The following PALM2AKAP2 variants were observed in gnomAD, a reference collection of about 807,000 sequenced individuals.
PALM2AKAP2 encodes the protein PALM2 and AKAP2 fusion, also known as PALM2-AKAP2 fusion protein.
Under a neutral mutation model 71.5 loss-of-function variants are expected in PALM2AKAP2, and 37 were observed. The ratio of observed to expected loss-of-function variants is 0.52; its 90% CI spans 0.40 to 0.68. The LOEUF is 0.68. Ranked by LOEUF, PALM2AKAP2 falls within the 30% of genes least tolerant of loss-of-function variation. The probability of loss-of-function intolerance (pLI) is 0.00; values close to 1 mark genes in which losing one functional copy is unlikely to be tolerated. For synonymous variants in PALM2AKAP2, 468 were observed against 478.8 expected (o/e 0.98, Z 0.29); for missense variants, 1,224 against 1,191.8 (o/e 1.03, Z -0.40).
intron 4 of PALM2AKAP2, 98 bp downstream of exon 4, chr9:109,923,947 G>C (rs1830893377): frequency 1.6e-6 from 2 of 1,227,408 alleles, no homozygotes; most frequent in Non-Finnish European, 2.2e-6. Context: ...GGGCATTGAT[G>C]AGAAATCTGA....
At chr9:109,677,940 C>A (rs1223191537) in intron 1 of PALM2AKAP2, among the ~76,000 whole-genome samples, 4 of 152,108 alleles carry the variant, frequency 2.6e-5, no homozygotes, top group Admixed American at 2.6e-4. Flanking sequence ...TAAAGCTGGG[C>A]AAAATTAGTA....
At chr9:110,018,398 G>A (rs1833019412) in intron 7 of PALM2AKAP2, among the ~76,000 whole-genome samples, 1 of 151,940 alleles carries the variant, frequency 6.6e-6, no homozygotes, top group African/African-American at 2.4e-5. Context: ...TGGCATGATC[G>A]TGGCTCACTG....
intron 2 of PALM2AKAP2, among the ~76,000 whole-genome samples, chr9:109,872,324 G>A (rs1829619669): frequency 6.6e-6 from 1 of 152,090 alleles, no homozygotes; most frequent in Non-Finnish European, 1.5e-5. Context: ...TAGAGCAGAA[G>A]GAATTTAATA....
At chr9:109,864,811 T>C (rs1829405461) in intron 1 of PALM2AKAP2, among the ~76,000 whole-genome samples, 1 of 152,232 alleles carries the variant, frequency 6.6e-6, no homozygotes, top group Non-Finnish European at 1.5e-5. Context: ...AATGCCAGAT[T>C]AATGTTCCTA....
intron 1 of PALM2AKAP2, among the ~76,000 whole-genome samples, chr9:109,763,388 T>C (rs1829092169): frequency 6.6e-6 from 1 of 152,160 alleles, no homozygotes; most frequent in African/African-American, 2.4e-5. Flanking sequence ...CCCTGCCTCC[T>C]ACTTGCTTTG....
chr9:110,162,643 C>T (rs1244375605), intron 3 of PALM2AKAP2, among the ~76,000 whole-genome samples: 4 of 152,066 alleles, frequency 2.6e-5, no homozygotes, highest in African/African-American at 9.7e-5. Context: ...CCTAGACCTC[C>T]CTCCCTCCAA....
chr9:109,978,904 G>C (rs1564243125), intron 6 of PALM2AKAP2, among the ~76,000 whole-genome samples: 1 of 152,050 alleles, frequency 6.6e-6, no homozygotes, highest in African/African-American at 2.4e-5. Context: ...GGCAGATGTT[G>C]ACCCTGGGAG....
intron 1 of PALM2AKAP2, among the ~76,000 whole-genome samples, chr9:109,835,188 A>AGAGGGTGTAGGGAAAGAGGG (rs1828426867): frequency 1.6e-5 from 2 of 121,992 alleles, no homozygotes; most frequent in East Asian, 4.3e-4. Flanking sequence ...GGGAAAGAGG[A>AGAGGGTGTAGGGAAAGAGGG]GAGGGTGTAG....
At chr9:110,110,639 C>T (rs547497118) in intron 1 of PALM2AKAP2, among the ~76,000 whole-genome samples, 132 of 150,916 alleles carry the variant, frequency 8.7e-4, no homozygotes, top group African/African-American at 2.7e-3. Context: ...CTCTGCCTCC[C>T]GGGTTCAAGC....
chr9:109,909,928 G>A (rs1830531990), intron 3 of PALM2AKAP2, among the ~76,000 whole-genome samples: 2 of 152,182 alleles, frequency 1.3e-5, no homozygotes, highest in Admixed American at 6.5e-5. Context: ...CCCATGAGGG[G>A]TTTTCAGCAG....
At chr9:110,109,880 A>G (rs902222353) in intron 1 of PALM2AKAP2, among the ~76,000 whole-genome samples, 1 of 152,080 alleles carries the variant, frequency 6.6e-6, no homozygotes, top group African/African-American at 2.4e-5. Context: ...TAGCAATCCC[A>G]CTTCTGGGTA....
At chr9:110,148,969 G>A (rs1417688655) in intron 2 of PALM2AKAP2, among the ~76,000 whole-genome samples, 1 of 152,194 alleles carries the variant, frequency 6.6e-6, no homozygotes, top group Middle Eastern at 3.2e-3. Flanking sequence ...TGTATTCTGA[G>A]TGCATGCAGC....
At position 109,910,082 on chromosome 9, in the gene PALM2AKAP2, G is replaced by C. The variant is rs552753731; in HGVS notation, c.258-13653G>C. Among the ~76,000 whole-genome samples the C allele has an allele frequency of 5.3e-5, 8 of 152,346 alleles. No homozygotes were observed. The East Asian group carries it at 1.5e-3, about 29-fold the overall frequency. On this transcript the variant is annotated intron_variant, in intron 3 of 9. Transcript: ENST00000302798. ...GGCTGAAGAGAAGCAGCTATGAAAAGAGATTTGTGGGGCAAATTGGCTTGG... is the reference window on the plus strand; with the variant it reads ...GGCTGAAGAGAAGCAGCTATGAAAACAGATTTGTGGGGCAAATTGGCTTGG...
intron 1 of PALM2AKAP2, among the ~76,000 whole-genome samples, chr9:109,798,937 C>T (rs1024803888): frequency 6.6e-6 from 1 of 152,234 alleles, no homozygotes; most frequent in African/African-American, 2.4e-5. Flanking sequence ...CTTTCCACTG[C>T]TCCAAGCCAC....
chr9:109,980,264 G>C (rs983307076), intron 6 of PALM2AKAP2, among the ~76,000 whole-genome samples: 1 of 152,150 alleles, frequency 6.6e-6, no homozygotes, highest in African/African-American at 2.4e-5. Flanking sequence ...TAATCACCCT[G>C]AGCCTTGCTT....
At chr9:110,103,009 T>C (rs1014605882) in intron 1 of PALM2AKAP2, among the ~76,000 whole-genome samples, 1 of 152,114 alleles carries the variant, frequency 6.6e-6, no homozygotes, top group Non-Finnish European at 1.5e-5. Flanking sequence ...TGCATGCTGG[T>C]TCTCCTGCCT....
chr9:109,675,840 C>T (rs574823354), intron 1 of PALM2AKAP2, among the ~76,000 whole-genome samples: 3 of 152,272 alleles, frequency 2.0e-5, no homozygotes, highest in African/African-American at 7.2e-5. Context: ...TGCTAGTCAA[C>T]ACTTACCTAT....
Position 109,645,640 on chromosome 9 carries a change from C to G in PALM2AKAP2, c.5+4774C>G, listed in dbSNP as rs555569470. Among the ~76,000 whole-genome samples, 4 of 151,666 alleles carry G rather than the reference C, an allele frequency of 2.6e-5. No homozygotes were observed. The South Asian group carries it at 8.3e-4, about 32-fold the overall frequency. Reference sequence around the variant, plus strand: ...GCTGGATGCCATTATCCTAAATGAGCTAACTCAGAAACAGAAAACCAAATA... The same window carrying G: ...GCTGGATGCCATTATCCTAAATGAGGTAACTCAGAAACAGAAAACCAAATA... On this transcript the variant is annotated intron_variant, in intron 1 of 6. Transcript: ENST00000374531.
chr9:109,757,500 A>G (rs1489185011), intron 1 of PALM2AKAP2, among the ~76,000 whole-genome samples: 1 of 152,148 alleles, frequency 6.6e-6, no homozygotes, highest in Non-Finnish European at 1.5e-5. Flanking sequence ...AGGCAAAGAG[A>G]GAGGCAGGTC....
Sources: gnomAD v4.1 joint callset for allele counts (sites outside exome capture counted in the v4.1 genomes callset) on GRCh38, gnomAD v4.1.1 for gene constraint, MANE v1.5 for transcripts, NCBI Gene and HGNC (gene_info 2026-07-23, HGNC 2026-07-21) for gene names.